The following DLGAP2 variants were observed in gnomAD, a reference collection of about 807,000 sequenced individuals.
DLGAP2 encodes DLG associated protein 2.
Under a neutral mutation model 100.3 loss-of-function variants are expected in DLGAP2, and 26 were observed. The ratio of observed to expected loss-of-function variants is 0.26; its 90% CI spans 0.19 to 0.36. DLGAP2 has a LOEUF of 0.36. Ranked by LOEUF, DLGAP2 falls within the 10% of genes least tolerant of loss-of-function variation. The pLI is 1.00. For missense variants in DLGAP2, 1,858 were observed against 1,453.2 expected (o/e 1.28, Z -4.53); for synonymous variants, 886 against 630.1 (o/e 1.41, Z -6.08).
At chr8:1,080,554 C>T (rs999762971) in intron 2 of DLGAP2, among the ~76,000 whole-genome samples, 1 of 152,110 alleles carries the variant, frequency 6.6e-6, no homozygotes, top group African/African-American at 2.4e-5. Context: ...GCTCGCACGT[C>T]TGAAGTGGGG....
At chr8:1,421,937 G>C (rs953810781) in intron 3 of DLGAP2, among the ~76,000 whole-genome samples, 1 of 152,118 alleles carries the variant, frequency 6.6e-6, no homozygotes, top group African/African-American at 2.4e-5. Flanking sequence ...TTGCACTCTA[G>C]CCTGGGCGAC....
intron 2 of DLGAP2, among the ~76,000 whole-genome samples, chr8:1,040,703 T>C (rs1004765039): frequency 1.3e-5 from 2 of 152,054 alleles, no homozygotes; most frequent in Admixed American, 1.3e-4. Context: ...CGGCTCGGTG[T>C]GCATGGTCAG....
At chr8:1,319,463 C>T (rs73170450) in intron 3 of DLGAP2, among the ~76,000 whole-genome samples, 2 of 152,076 alleles carry the variant, frequency 1.3e-5, no homozygotes, top group African/African-American at 4.8e-5. Context: ...AGCTCTGCAC[C>T]CTCGGAGAGA....
intron 1 of DLGAP2, among the ~76,000 whole-genome samples, chr8:905,506 C>G (rs991443963): frequency 2.0e-5 from 3 of 152,162 alleles, no homozygotes; most frequent in African/African-American, 7.2e-5. Flanking sequence ...CAGGCCCTGG[C>G]AGATGCAATT....
intron 2 of DLGAP2, among the ~76,000 whole-genome samples, chr8:1,147,710 A>G (rs1585102579): frequency 6.6e-6 from 1 of 152,054 alleles, no homozygotes; most frequent in Non-Finnish European, 1.5e-5. Context: ...TTTTTCAGAG[A>G]CAGGGTCTTG....
At chr8:1,326,496 G>A (rs1002092823) in intron 3 of DLGAP2, among the ~76,000 whole-genome samples, 2 of 152,082 alleles carry the variant, frequency 1.3e-5, no homozygotes, top group Non-Finnish European at 2.9e-5. Flanking sequence ...GTCCGGGCCT[G>A]TCACTCAGGA....
chr8:744,471 G>T (rs376128642), intron 1 of DLGAP2, among the ~76,000 whole-genome samples: 1 of 152,004 alleles, frequency 6.6e-6, no homozygotes, highest in Non-Finnish European at 1.5e-5. Context: ...CCCAACCTGC[G>T]TCCCTCCCTC....
At chr8:1,274,860 C>G (rs10096306) in intron 3 of DLGAP2, among the ~76,000 whole-genome samples, 43,973 of 151,986 alleles carry the variant, frequency 0.29, 7,170 homozygotes, top group South Asian at 0.4. Context: ...AAAATGCTCT[C>G]TGGCTTTAAT....
At chr8:1,683,962 A>ATATATATATGTGTG (rs1799041906) in intron 12 of DLGAP2, among the ~76,000 whole-genome samples, 2 of 85,684 alleles carry the variant, frequency 2.3e-5, no homozygotes, top group African/African-American at 1.0e-4. Flanking sequence ...GTGTATATAT[A>ATATATATATGTGTG]TATATATATA....
intron 3 of DLGAP2, among the ~76,000 whole-genome samples, chr8:1,326,859 ATGT>A (rs1801034344): frequency 6.6e-6 from 1 of 152,338 alleles, no homozygotes; most frequent in South Asian, 2.1e-4. Flanking sequence ...GTTGTAGTAT[ATGT>A]TGTTGTGGAA....
At chr8:780,545 GCA>G (rs150219767) in intron 1 of DLGAP2, among the ~76,000 whole-genome samples, 5 of 152,180 alleles carry the variant, frequency 3.3e-5, no homozygotes, top group Non-Finnish European at 7.3e-5. Flanking sequence ...GGGAGGCTCT[GCA>G]CAGTTTTCCA....
intron 4 of DLGAP2, among the ~76,000 whole-genome samples, chr8:1,533,365 G>T (rs1005442584): frequency 2.0e-5 from 3 of 151,930 alleles, no homozygotes; most frequent in African/African-American, 7.3e-5. Context: ...AATTAGCCGG[G>T]CGTTGTGGCG....
intron 2 of DLGAP2, among the ~76,000 whole-genome samples, chr8:948,103 G>C (rs1329364081): frequency 6.6e-6 from 1 of 151,488 alleles, no homozygotes; most frequent in African/African-American, 2.4e-5. Flanking sequence ...CGTGCGCCAT[G>C]GTTCCACTGA....
At chr8:845,734 C>A (rs1420876914) in intron 1 of DLGAP2, among the ~76,000 whole-genome samples, 1 of 152,152 alleles carries the variant, frequency 6.6e-6, no homozygotes, top group African/African-American at 2.4e-5. Flanking sequence ...ATACCATTGC[C>A]TAATCAAGGT....
intron 2 of DLGAP2, among the ~76,000 whole-genome samples, chr8:938,551 C>T (rs1246660028): frequency 6.6e-6 from 1 of 152,220 alleles, no homozygotes; most frequent in Non-Finnish European, 1.5e-5. Context: ...GGGCCAGACC[C>T]AGCCTACAAG....
At chr8:1,505,558 A>G (rs1411278063) in intron 4 of DLGAP2, among the ~76,000 whole-genome samples, 1 of 152,244 alleles carries the variant, frequency 6.6e-6, no homozygotes, top group Non-Finnish European at 1.5e-5. Flanking sequence ...ATAGAGTGTA[A>G]TGTATGAAAA....
intron 2 of DLGAP2, among the ~76,000 whole-genome samples, chr8:1,152,989 T>C (rs1796721548): frequency 6.6e-6 from 1 of 152,384 alleles, no homozygotes; most frequent in East Asian, 1.9e-4. Context: ...TAATTCAAGC[T>C]ATTCTGTAGA....
chr8:1,701,529 C>A lies in DLGAP2; in HGVS notation c.*123C>A. 9.1e-7 allele frequency: 1 copy of A among 1,102,630 alleles called. No homozygotes were observed. Among genetic ancestry groups the A allele is most frequent in the South Asian group, 1.6e-5 (1 of 61,152 alleles). The allele number at this position is 1,102,630 out of a possible 1,614,324, so 68.3% of individuals were successfully genotyped here. A position where few individuals can be genotyped will look rare whatever the true frequency, so the allele number is the denominator to read the frequency against. ...AACACGTCCTCGCTCCCGCGCTCCC[C>A]GCGCCCCGGACACAGCGGGACGCGG... On this transcript the variant is annotated 3_prime_UTR_variant, in exon 15 of 15. Transcript: ENST00000637795.
chr8:934,916 A>G (rs1584902794), intron 2 of DLGAP2, among the ~76,000 whole-genome samples: 1 of 152,208 alleles, frequency 6.6e-6, no homozygotes, highest in East Asian at 1.9e-4. Context: ...CTGCCTCTTT[A>G]AAGTCTAAAG....
Sources: gnomAD v4.1 joint callset for allele counts (sites outside exome capture counted in the v4.1 genomes callset) on GRCh38, gnomAD v4.1.1 for gene constraint, MANE v1.5 for transcripts, NCBI Gene and HGNC (gene_info 2026-07-23, HGNC 2026-07-21) for gene names.